The following MAGI2 variants were observed in gnomAD, a reference collection of about 807,000 sequenced individuals.
MAGI2 encodes the protein membrane associated guanylate kinase, WW and PDZ domain containing 2, also known as membrane-associated guanylate kinase, WW and PDZ domain-containing protein 2.
MAGI2 carries 35 observed loss-of-function variants against 133.3 expected under a neutral mutation model. The observed-to-expected ratio is 0.26, with a 90% CI of 0.20 to 0.35. The LOEUF (loss-of-function observed/expected upper bound fraction) is 0.35, where lower values mean the gene tolerates loss of function less well. Ranked by LOEUF, MAGI2 falls within the 10% of genes least tolerant of loss-of-function variation. The probability of loss-of-function intolerance (pLI) is 1.00; values close to 1 mark genes in which losing one functional copy is unlikely to be tolerated. For synonymous variants in MAGI2, 729 were observed against 710.6 expected (o/e 1.03, Z -0.41); for missense variants, 1,636 against 1,863.4 (o/e 0.88, Z 2.25).
At chr7:78,341,117 G>T (rs905516782) in intron 9 of MAGI2, among the ~76,000 whole-genome samples, 1 of 152,064 alleles carries the variant, frequency 6.6e-6, no homozygotes, top group Non-Finnish European at 1.5e-5. Flanking sequence ...CAAAGTCTCA[G>T]GATACAAAAA....
At chr7:78,440,845 C>A (rs1046010950) in intron 6 of MAGI2, among the ~76,000 whole-genome samples, 7 of 151,896 alleles carry the variant, frequency 4.6e-5, no homozygotes, top group Non-Finnish European at 8.8e-5. Context: ...CCCAGCCACT[C>A]GGGAGGCTGA....
chr7:79,175,143 A>G (rs1825979823), intron 1 of MAGI2, among the ~76,000 whole-genome samples: 1 of 151,978 alleles, frequency 6.6e-6, no homozygotes, highest in African/African-American at 2.4e-5. Flanking sequence ...ATATTTTTCA[A>G]TGAAATAGAG....
chr7:78,221,743 A>C (rs1324190262), intron 10 of MAGI2, among the ~76,000 whole-genome samples: 1 of 151,860 alleles, frequency 6.6e-6, no homozygotes, highest in Non-Finnish European at 1.5e-5. Context: ...CTATAATCCC[A>C]GCATTTTGAG....
At chr7:78,796,154 A>C (rs114667585) in intron 2 of MAGI2, among the ~76,000 whole-genome samples, 1 of 152,286 alleles carries the variant, frequency 6.6e-6, no homozygotes, top group South Asian at 2.1e-4. Context: ...CAGGCTAAAA[A>C]GCTTTTACAC....
intron 2 of MAGI2, among the ~76,000 whole-genome samples, chr7:78,686,513 C>T (rs1243376985): frequency 6.6e-6 from 1 of 150,690 alleles, no homozygotes; most frequent in African/African-American, 2.4e-5. Context: ...TCACAGGCTT[C>T]TCCCCATCCC....
At chr7:79,404,525 T>G (rs966890312) in intron 1 of MAGI2, among the ~76,000 whole-genome samples, 1 of 152,130 alleles carries the variant, frequency 6.6e-6, no homozygotes, top group Admixed American at 6.6e-5. Flanking sequence ...TTGAGTTATA[T>G]GAATACATTT....
intron 2 of MAGI2, among the ~76,000 whole-genome samples, chr7:78,894,599 T>A (rs1797056081): frequency 6.6e-6 from 1 of 152,112 alleles, no homozygotes; most frequent in Non-Finnish European, 1.5e-5. Context: ...CACTCATAAG[T>A]CATCATACTA....
chr7:78,735,923 G>T (rs6976884), intron 2 of MAGI2, among the ~76,000 whole-genome samples: 60,452 of 151,978 alleles, frequency 0.4, 12,551 homozygotes, highest in Non-Finnish European at 0.47. Context: ...GAATGTGTGT[G>T]AGGTAATAGG....
At chr7:78,323,014 A>G (rs1473894736) in intron 9 of MAGI2, among the ~76,000 whole-genome samples, 3 of 151,816 alleles carry the variant, frequency 2.0e-5, no homozygotes, top group Admixed American at 1.3e-4. Flanking sequence ...CTCATCTAAA[A>G]ATAAATATGT....
At chr7:79,386,245 A>C (rs1040924505) in intron 1 of MAGI2, among the ~76,000 whole-genome samples, 2 of 152,008 alleles carry the variant, frequency 1.3e-5, no homozygotes, top group African/African-American at 4.8e-5. Flanking sequence ...AATATCTGAA[A>C]GGTATTAACA....
At chr7:78,943,803 C>G (rs1180960659) in intron 2 of MAGI2, among the ~76,000 whole-genome samples, 1 of 152,048 alleles carries the variant, frequency 6.6e-6, no homozygotes, top group Non-Finnish European at 1.5e-5. Flanking sequence ...ATTCCATTCT[C>G]CCATTTAAAA....
At chr7:79,365,617 G>T (rs142440653) in intron 1 of MAGI2, among the ~76,000 whole-genome samples, 1 of 151,922 alleles carries the variant, frequency 6.6e-6, no homozygotes, top group Non-Finnish European at 1.5e-5. Context: ...TAGCACTTTG[G>T]GGGGCCGAGG....
chr7:78,531,327 C>A (rs1453994742), intron 3 of MAGI2, among the ~76,000 whole-genome samples: 4 of 151,362 alleles, frequency 2.6e-5, no homozygotes, highest in Admixed American at 2.6e-4. Context: ...GATTCTCCTG[C>A]CTCAGTCTCC....
At chr7:79,244,547 G>A (rs1023844947) in intron 1 of MAGI2, among the ~76,000 whole-genome samples, 1 of 152,218 alleles carries the variant, frequency 6.6e-6, no homozygotes, top group African/African-American at 2.4e-5. Context: ...GATGCCCATA[G>A]AGGGAGCATT....
intron 5 of MAGI2, among the ~76,000 whole-genome samples, chr7:78,493,181 A>G (rs1793776640): frequency 1.3e-5 from 2 of 152,206 alleles, no homozygotes; most frequent in Non-Finnish European, 2.9e-5. Context: ...TTAAATTCAT[A>G]TCAGAATGGC....
At chr7:79,305,744 C>CA in intron 1 of MAGI2, among the ~76,000 whole-genome samples, 1 of 151,970 alleles carries the variant, frequency 6.6e-6, no homozygotes, top group African/African-American at 2.4e-5. Context: ...CCTGTCTCTA[C>CA]AAAAAATAAG....
intron 2 of MAGI2, among the ~76,000 whole-genome samples, chr7:78,881,435 G>T (rs959340911): frequency 1.1e-4 from 17 of 149,026 alleles, no homozygotes; most frequent in Non-Finnish European, 8.9e-5. Flanking sequence ...TCGTGGGATG[G>T]GGGGAGGGGG....
chr7:78,396,618 A>T (rs59655044), intron 6 of MAGI2, among the ~76,000 whole-genome samples: 10 of 152,210 alleles, frequency 6.6e-5, no homozygotes, highest in African/African-American at 2.2e-4. Context: ...ATTTTCTACC[A>T]TATAACATTT....
intron 2 of MAGI2, among the ~76,000 whole-genome samples, chr7:78,995,097 G>C (rs1157505787): frequency 6.6e-6 from 1 of 151,848 alleles, no homozygotes; most frequent in Non-Finnish European, 1.5e-5. Context: ...CCAATCTTTT[G>C]TTTTCCCTGG....
Sources: gnomAD v4.1 joint callset for allele counts (sites outside exome capture counted in the v4.1 genomes callset) on GRCh38, gnomAD v4.1.1 for gene constraint, MANE v1.5 for transcripts, NCBI Gene and HGNC (gene_info 2026-07-23, HGNC 2026-07-21) for gene names.